The following C1orf52 variants were observed in gnomAD, a reference collection of about 807,000 sequenced individuals.
C1orf52 encodes UPF0690 protein C1orf52.
C1orf52 carries 5 observed loss-of-function variants against 17.2 expected under a neutral mutation model. The ratio of observed to expected loss-of-function variants is 0.29; its 90% confidence interval spans 0.15 to 0.61. The LOEUF is 0.61. Ranked by LOEUF, C1orf52 falls within the 20% of genes least tolerant of loss-of-function variation. C1orf52 has a pLI of 0.85. For missense variants in C1orf52, 245 were observed against 234.1 expected, an observed-to-expected ratio of 1.05 and a Z score of -0.30; for synonymous variants, 110 against 88.0, an observed-to-expected ratio of 1.25 and a Z score of -1.40.
intron 1 of C1orf52, chr1:85,258,970 G>C (rs1237305179): frequency 7.2e-7 from 1 of 1,385,148 alleles, no homozygotes; most frequent in East Asian, 2.8e-5. Flanking sequence ...ACTACGCCAA[G>C]GCTGACCCCT....
intron 2 of C1orf52, among the ~76,000 whole-genome samples, chr1:85,252,984 C>CA (rs1352623836): frequency 6.6e-6 from 1 of 152,104 alleles, no homozygotes; most frequent in Non-Finnish European, 1.5e-5. Flanking sequence ...TTACTTCCCC[C>CA]AAATCAGACT....
At chr1:85,256,019 T>C (rs1385612121) in intron 2 of C1orf52, among the ~76,000 whole-genome samples, 4 of 152,202 alleles carry the variant, frequency 2.6e-5, no homozygotes, top group Non-Finnish European at 4.4e-5. Flanking sequence ...ATAATCCTGG[T>C]TTTTTCCATA....
rs886081064 is a variant in C1orf52 at position 85,250,037 on chromosome 1, GAC to G, written c.*2590_*2591del. The G allele has an allele frequency of 1.2e-4, 18 of 153,496 alleles. No individual in the cohort carries two copies. The highest frequency in any genetic ancestry group is 1.9e-4 in the Non-Finnish European group (13 of 68,966). 9.5% of individuals were successfully genotyped at this position (153,496 alleles called of 1,614,324 possible). A position where few individuals can be genotyped will look rare whatever the true frequency, so the allele number is the denominator to read the frequency against. Reference sequence around the variant, plus strand: ...TCATGGCAGAAGGCAAGAGGAGCAAGACACATCTTATGTGGAGGGCAGCAGGC... The same window carrying G: ...TCATGGCAGAAGGCAAGAGGAGCAAGACATCTTATGTGGAGGGCAGCAGGC... On this transcript the variant is annotated 3_prime_UTR_variant, in exon 3 of 3. Coordinates refer to ENST00000471115, the MANE Select transcript of C1orf52 (RefSeq NM_198077.4).
Position 85,259,562 on chromosome 1 carries a change from G to C in C1orf52, c.72C>G (p.Asp24Glu). The C allele has an allele frequency of 6.2e-7, 1 of 1,612,536 alleles. No individual in the cohort carries two copies. Among genetic ancestry groups the C allele is most frequent in the Non-Finnish European group, 8.5e-7 (1 of 1,179,496 alleles). Residue 24 changes from aspartate to glutamate, a missense_variant, in exon 1 of 3, where the codon GAC becomes GAG. Physicochemically the swap from Asp to Glu is conservative, Grantham distance 45. Transcript: ENST00000471115. ...AYGSSSSGSSDEEDNIEPEET... is the reference protein window; with the variant it reads ...AYGSSSSGSSEEEDNIEPEET... ...CCTCCGGCTCGATGTTATCCTCCTC[G>C]TCCGAGGAGCCTGAGCTGCTGCTCC...
At position 85,259,411 on chromosome 1, in the gene C1orf52, G is replaced by A. The variant is rs906291389; in HGVS notation, c.223C>T (p.Pro75Ser). The A allele has an allele frequency of 6.2e-7, 1 of 1,614,110 alleles. No homozygotes were observed. Among genetic ancestry groups the A allele is most frequent in the Non-Finnish European group, 8.5e-7 (1 of 1,180,016 alleles). ...SVTRPAFLYN[P>S]LNKQIDWERH... ...TCCCAGTCTATCTGTTTGTTGAGCG[G>A]ATTGTAGAGAAAGGCCGGGCGAGTC... The change falls in exon 1 of 3, where the codon CCG becomes TCG. Residue 75 changes from proline to serine, a missense_variant. By Grantham distance (74) the Pro-to-Ser change is moderately conservative. Coordinates refer to ENST00000471115, the MANE Select transcript of C1orf52 (RefSeq NM_198077.4).
chr1:85,259,275 G>C, intron 1 of C1orf52, 83 bp downstream of exon 1: 4 of 1,487,666 alleles, frequency 2.7e-6, no homozygotes, highest in Non-Finnish European at 3.6e-6. Context: ...TGGGGGGATG[G>C]ACAGCAGGTC....
At chr1:85,257,879 G>A (rs1659984755) in intron 2 of C1orf52, among the ~76,000 whole-genome samples, 1 of 152,152 alleles carries the variant, frequency 6.6e-6, no homozygotes, top group African/African-American at 2.4e-5. Flanking sequence ...GCCGAGGCAG[G>A]TGGATCACCT....
Position 85,252,501 on chromosome 1 carries a change from A to G in C1orf52, c.*128T>C. On this transcript the variant is annotated 3_prime_UTR_variant, in exon 3 of 3. Transcript: ENST00000471115. ...TCTATAGTGGAAAGTTCTTGAGGCA[A>G]TACTTATTAGTTCATTAACGTATGC... 2 of 723,170 alleles carry G rather than the reference A, an allele frequency of 2.8e-6. No homozygotes were observed. The highest frequency in any genetic ancestry group is 2.8e-5 in the East Asian group (1 of 35,816). The allele number at this position is 723,170 out of a possible 1,614,324, so 44.8% of individuals were successfully genotyped here. A position where few individuals can be genotyped will look rare whatever the true frequency, so the allele number is the denominator to read the frequency against.
intron 2 of C1orf52, among the ~76,000 whole-genome samples, chr1:85,255,418 C>T (rs1478893962): frequency 6.6e-6 from 1 of 152,016 alleles, no homozygotes; most frequent in African/African-American, 2.4e-5. Flanking sequence ...GGCGTGGTGG[C>T]GTGTGCCTGT....
chr1:85,250,303 A>C lies in C1orf52; in HGVS notation c.*2326T>G, dbSNP rs989461012. ...AGGCTTAACTTAAAGTGCAGGAAAC[A>C]ATCAGAAGTATCAAGTGACTCGATT... is the stretch of plus-strand genomic sequence containing the variant. On this transcript the variant is annotated 3_prime_UTR_variant, in exon 3 of 3. Transcript: ENST00000471115. 6.6e-6 allele frequency: 1 copy of C among 152,166 alleles called. No homozygotes were observed. Among genetic ancestry groups the C allele is most frequent in the South Asian group, 2.1e-4 (1 of 4,828 alleles). 9.4% of individuals were successfully genotyped at this position (152,166 alleles called of 1,614,324 possible).
intron 2 of C1orf52, among the ~76,000 whole-genome samples, chr1:85,255,065 G>A (rs919627742): frequency 6.6e-6 from 1 of 152,028 alleles, no homozygotes; most frequent in Admixed American, 6.6e-5. Context: ...GTACTGGTAA[G>A]GAAACAATTT....
chr1:85,259,264 G>GT, intron 1 of C1orf52, 94 bp downstream of exon 1: 2 of 1,449,386 alleles, frequency 1.4e-6, no homozygotes, highest in South Asian at 1.3e-5. Context: ...GTGACTGCGT[G>GT]TGGGGGGATG....
chr1:85,253,338 A>C (rs574490824), intron 2 of C1orf52, among the ~76,000 whole-genome samples: 1 of 152,196 alleles, frequency 6.6e-6, no homozygotes, highest in Non-Finnish European at 1.5e-5. Flanking sequence ...AGTGGCTATC[A>C]GCTGTCCTTT....
chr1:85,252,587 T>C lies in C1orf52; in HGVS notation c.*42A>G. 1 of 1,519,872 alleles carries C rather than the reference T, an allele frequency of 6.6e-7. No individual in the cohort carries two copies. The highest frequency in any genetic ancestry group is 1.7e-5 in the Admixed American group (1 of 59,262). 94.1% of individuals were successfully genotyped at this position (1,519,872 alleles called of 1,614,324 possible). ...TCAACTTAATCTGTCCAAAGAAACA[T>C]TTCAACAAGTTTAGCAGTACAGAAA... is the stretch of plus-strand genomic sequence containing the variant. On this transcript the variant is annotated 3_prime_UTR_variant, in exon 3 of 3. Coordinates refer to ENST00000471115, the MANE Select transcript of C1orf52 (RefSeq NM_198077.4).
chr1:85,257,172 TG>T (rs1659964964), intron 2 of C1orf52, among the ~76,000 whole-genome samples: 1 of 152,228 alleles, frequency 6.6e-6, no homozygotes, highest in Admixed American at 6.5e-5. Context: ...ATACTTACAA[TG>T]TACTCGATAC....
At chr1:85,257,934 C>G (rs1022478357) in intron 2 of C1orf52, among the ~76,000 whole-genome samples, 1 of 151,578 alleles carries the variant, frequency 6.6e-6, no homozygotes, top group African/African-American at 2.4e-5. Context: ...GGTGAAACCC[C>G]ACCTCTACAA....
chr1:85,252,778 C>T (rs932252699), intron 2 of C1orf52, 76 bp from the exon 3 acceptor site: 3 of 938,206 alleles, frequency 3.2e-6, no homozygotes, highest in African/African-American at 1.7e-5. Context: ...ATTTCACTGG[C>T]TTTATACCAA....
chr1:85,253,146 G>A (rs1659841592), intron 2 of C1orf52, among the ~76,000 whole-genome samples: 1 of 152,100 alleles, frequency 6.6e-6, no homozygotes, highest in South Asian at 2.1e-4. Context: ...TGATGAAGGG[G>A]CTTTATTGGC....
chr1:85,257,619 G>A, intron 2 of C1orf52: 1 of 631,782 alleles, frequency 1.6e-6, no homozygotes, highest in Non-Finnish European at 2.9e-6. Flanking sequence ...CTGCAGTGAA[G>A]GATGGTACAG....
Sources: gnomAD v4.1 joint callset for allele counts (sites outside exome capture counted in the v4.1 genomes callset) on GRCh38, gnomAD v4.1.1 for gene constraint, MANE v1.5 for transcripts, NCBI Gene and HGNC (gene_info 2026-07-23, HGNC 2026-07-21) for gene names.